RIMBP2: variants seen among roughly 807,000 people sequenced by gnomAD.
RIMBP2 encodes the protein RIMS-binding protein 2.
A neutral mutation model predicts 118.6 loss-of-function variants in RIMBP2; 48 were observed. That is an observed-to-expected ratio of 0.40 (90% confidence interval 0.32 to 0.51). The LOEUF is 0.51. RIMBP2 is among the 20% of genes least tolerant of loss of function. The pLI is 0.41. For missense variants in RIMBP2, 1,551 were observed against 1,768.3 expected (o/e 0.88, Z 2.20); for synonymous variants, 762 against 742.9 (o/e 1.03, Z -0.42).
At chr12:130,575,477 C>A (rs992662280) in intron 2 of RIMBP2, among the ~76,000 whole-genome samples, 8 of 152,120 alleles carry the variant, frequency 5.3e-5, no homozygotes, top group African/African-American at 1.7e-4. Context: ...AAAGCCAAGT[C>A]CCCATCAGTG....
chr12:130,602,733 G>A (rs2059946998), intron 2 of RIMBP2, among the ~76,000 whole-genome samples: 1 of 152,218 alleles, frequency 6.6e-6, no homozygotes, highest in African/African-American at 2.4e-5. Flanking sequence ...CGCCAACGGT[G>A]GTTCTGTTGC....
chr12:130,479,567 A>G (rs2081765491), intron 4 of RIMBP2, among the ~76,000 whole-genome samples: 1 of 151,822 alleles, frequency 6.6e-6, no homozygotes, highest in South Asian at 2.1e-4. Flanking sequence ...ACGCCTGTTC[A>G]GAATGCAAAC....
At chr12:130,535,738 CATAT>C (rs55887629) in intron 2 of RIMBP2, among the ~76,000 whole-genome samples, 4,321 of 65,752 alleles carry the variant, frequency 0.066, 122 homozygotes, top group African/African-American at 0.095. Flanking sequence ...CATATATATA[CATAT>C]ATATATATAT....
chr12:130,624,873 C>T lies in RIMBP2; in HGVS notation c.-217+3449G>A, dbSNP rs543607283. ...CCAAGTAGTTGGGATTACAGGCACA[C>T]GACCCCACGCCCAGCTAATTTTTGT... On this transcript the variant is annotated intron_variant, in intron 2 of 22. Coordinates refer to ENST00000690449, the MANE Select transcript of RIMBP2 (RefSeq NM_001393629.1). 7.2e-5 allele frequency among the ~76,000 whole-genome samples: 11 copies of T among 152,200 alleles called. No individual in the cohort carries two copies. The South Asian group carries it at 1.7e-3, about 23-fold the overall frequency.
chr12:130,577,453 A>C (rs2058161648), intron 2 of RIMBP2, among the ~76,000 whole-genome samples: 1 of 152,212 alleles, frequency 6.6e-6, no homozygotes, highest in Admixed American at 6.5e-5. Flanking sequence ...CAGTCACAGC[A>C]GGTCAAGGGG....
intron 4 of RIMBP2, among the ~76,000 whole-genome samples, chr12:130,504,017 A>G (rs1566158418): frequency 6.6e-6 from 1 of 152,250 alleles, no homozygotes. Flanking sequence ...AAATCAGGTT[A>G]AATATCACTG....
At chr12:130,467,707 GC>G (rs1161095560) in intron 6 of RIMBP2, among the ~76,000 whole-genome samples, 2 of 152,200 alleles carry the variant, frequency 1.3e-5, no homozygotes, top group Non-Finnish European at 2.9e-5. Context: ...TGACCCAGAA[GC>G]CCCCGCTTCA....
chr12:130,490,123 CAAAAA>C (rs35698241), intron 4 of RIMBP2, among the ~76,000 whole-genome samples: 2 of 95,458 alleles, frequency 2.1e-5, no homozygotes, highest in Non-Finnish European at 4.3e-5. Flanking sequence ...GACTCTGTCT[CAAAAA>C]AAAAAAAAAA....
At chr12:130,407,039 C>T (rs1245713792) in intron 20 of RIMBP2, among the ~76,000 whole-genome samples, 4 of 152,204 alleles carry the variant, frequency 2.6e-5, no homozygotes, top group African/African-American at 7.2e-5. Flanking sequence ...CCAACTGACC[C>T]AGCACATTTC....
rs2061367912 is a variant in RIMBP2, at chr12:130,622,313, C to A, written c.-217+6009G>T. The stretch of plus-strand genomic sequence containing the variant: ...CATCACAAGTTTTGCCATCTCTGTG[C>A]CCACTGTTAACTGACCCTCTTTCTT... On this transcript the variant is annotated intron_variant, in intron 2 of 22. Coordinates refer to ENST00000690449, the MANE Select transcript of RIMBP2 (RefSeq NM_001393629.1). This position sits in a 1 kb window ranked among gnomAD's most constrained non-coding sequence, Gnocchi z 8.5. Among the ~76,000 whole-genome samples, 1 of 152,108 alleles carries A rather than the reference C, an allele frequency of 6.6e-6. No homozygotes were observed. The highest frequency in any genetic ancestry group is 2.1e-4 in the South Asian group (1 of 4,820).
intron 1 of RIMBP2, among the ~76,000 whole-genome samples, chr12:130,673,847 G>A (rs1262259707): frequency 2.0e-5 from 3 of 151,938 alleles, no homozygotes; most frequent in African/African-American, 7.3e-5. Flanking sequence ...GGTGGCTTAC[G>A]CCTATAATCC....
chr12:130,516,704 C>T (rs1256264602), intron 3 of RIMBP2, among the ~76,000 whole-genome samples: 1 of 152,082 alleles, frequency 6.6e-6, no homozygotes, highest in Non-Finnish European at 1.5e-5. Flanking sequence ...GCTTAGGGAT[C>T]CAAGGAACAA....
At chr12:130,628,884 G>A (rs1241043060) in intron 1 of RIMBP2, among the ~76,000 whole-genome samples, 3 of 152,212 alleles carry the variant, frequency 2.0e-5, no homozygotes, top group East Asian at 3.8e-4. Context: ...TTATCAAGAT[G>A]TGACTGATGC....
At chr12:130,550,633 A>G (rs559676559) in intron 2 of RIMBP2, among the ~76,000 whole-genome samples, 1 of 152,244 alleles carries the variant, frequency 6.6e-6, no homozygotes, top group Non-Finnish European at 1.5e-5. Flanking sequence ...GCAAAATGAA[A>G]AAAGGTTAAA....
At chr12:130,580,934 T>TGC (rs1162739306) in intron 2 of RIMBP2, among the ~76,000 whole-genome samples, 4 of 151,518 alleles carry the variant, frequency 2.6e-5, no homozygotes, top group Non-Finnish European at 5.9e-5. Flanking sequence ...ATGGTGTGTG[T>TGC]GTGTGTGTGT....
intron 2 of RIMBP2, among the ~76,000 whole-genome samples, chr12:130,624,807 C>T (rs2140885783): frequency 6.6e-6 from 1 of 152,294 alleles, no homozygotes; most frequent in Middle Eastern, 3.4e-3. Context: ...TTACTGCAAC[C>T]TCTGCTTCCC....
At chr12:130,684,703 CA>C (rs1388263080) in intron 1 of RIMBP2, among the ~76,000 whole-genome samples, 1 of 152,246 alleles carries the variant, frequency 6.6e-6, no homozygotes, top group African/African-American at 2.4e-5. Flanking sequence ...TCGATTCTTG[CA>C]AAATGTAGTA....
At chr12:130,590,860 ATGG>A (rs2059212595) in intron 2 of RIMBP2, among the ~76,000 whole-genome samples, 1 of 152,128 alleles carries the variant, frequency 6.6e-6, no homozygotes, top group African/African-American at 2.4e-5. Flanking sequence ...TGTCACCCGG[ATGG>A]CTGGCTGGCT....
intron 2 of RIMBP2, among the ~76,000 whole-genome samples, chr12:130,627,526 G>T (rs2061717498): frequency 6.6e-6 from 1 of 152,156 alleles, no homozygotes; most frequent in African/African-American, 2.4e-5. Context: ...TCGAACTGTG[G>T]ATTTTCCCGT....
Sources: gnomAD v4.1 joint callset for allele counts (sites outside exome capture counted in the v4.1 genomes callset) on GRCh38, gnomAD v4.1.1 for gene constraint, Gnocchi (gnomAD v3.1) non-coding constraint, MANE v1.5 for transcripts, NCBI Gene and HGNC (gene_info 2026-07-23, HGNC 2026-07-21) for gene names.